Variants in MSI2 observed in about 807,000 individuals in gnomAD.
MSI2 encodes RNA-binding protein Musashi homolog 2.
A neutral mutation model predicts 45.6 loss-of-function variants in MSI2; 17 were observed. The ratio of observed to expected loss-of-function variants is 0.37; its 90% CI spans 0.26 to 0.56. The LOEUF (loss-of-function observed/expected upper bound fraction) is 0.56. Among genes scored for constraint, MSI2 ranks in the 20% least tolerant of loss-of-function variants. The pLI is 0.77. For synonymous variants in MSI2, 156 were observed against 158.2 expected, an observed-to-expected ratio of 0.99 and a Z score of 0.11; for missense variants, 293 against 444.2, an observed-to-expected ratio of 0.66 and a Z score of 3.06.
At chr17:57,563,081 G>C (rs1368168032) in intron 7 of MSI2, among the ~76,000 whole-genome samples, 2 of 111,470 alleles carry the variant, frequency 1.8e-5, no homozygotes, top group South Asian at 3.1e-4. Context: ...CTGGGTGACA[G>C]AGCAAAACTT....
chr17:57,389,427 T>A (rs1025941277), intron 5 of MSI2, among the ~76,000 whole-genome samples: 1 of 152,228 alleles, frequency 6.6e-6, no homozygotes, highest in African/African-American at 2.4e-5. Context: ...ACAGTCCTTC[T>A]GCCAGACAGG....
At chr17:57,336,723 A>G (rs1598138031) in intron 5 of MSI2, among the ~76,000 whole-genome samples, 1 of 152,318 alleles carries the variant, frequency 6.6e-6, no homozygotes, top group Non-Finnish European at 1.5e-5. Flanking sequence ...TTAAAGAAAT[A>G]TTATAGGCAT....
chr17:57,464,662 C>G (rs917120487), intron 6 of MSI2, among the ~76,000 whole-genome samples: 1 of 152,088 alleles, frequency 6.6e-6, no homozygotes, highest in African/African-American at 2.4e-5. Context: ...TGGGGAGAGG[C>G]AGGGCATCCT....
At chr17:57,375,150 A>G (rs915021159) in intron 5 of MSI2, among the ~76,000 whole-genome samples, 2 of 152,310 alleles carry the variant, frequency 1.3e-5, no homozygotes, top group Non-Finnish European at 1.5e-5. Flanking sequence ...GCATGACTAC[A>G]TTGAAAATCA....
At position 57,552,654 on chromosome 17, in the gene MSI2, C is replaced by A. The variant is rs1230372809; in HGVS notation, c.454+22930C>A. On this transcript the variant is annotated intron_variant, in intron 7 of 13. Coordinates refer to ENST00000284073, the MANE Select transcript of MSI2 (RefSeq NM_138962.4). The surrounding 1 kb of genome is among the most constrained non-coding windows in gnomAD (Gnocchi z 4.3). Reference sequence around the variant, plus strand: ...CTTACGTTTGAAGTTTTTCTACAACCAGAAGGTGATTCTCTGGCTTCTGAG... The same window carrying A: ...CTTACGTTTGAAGTTTTTCTACAACAAGAAGGTGATTCTCTGGCTTCTGAG... Among the ~76,000 whole-genome samples the A allele has an allele frequency of 2.0e-5, 3 of 152,202 alleles. No individual in the cohort carries two copies. Among genetic ancestry groups the A allele is most frequent in the African/African-American group, 4.8e-5 (2 of 41,440 alleles).
At chr17:57,522,290 A>G (rs964282198) in intron 6 of MSI2, 1 of 152,200 alleles carries the variant, frequency 6.6e-6, no homozygotes, top group African/African-American at 2.4e-5. Flanking sequence ...GGAGCGTTTG[A>G]GTGGGAGCAG....
chr17:57,429,701 C>T (rs2084559230), intron 6 of MSI2, among the ~76,000 whole-genome samples: 1 of 150,350 alleles, frequency 6.7e-6, no homozygotes, highest in Non-Finnish European at 1.5e-5. Flanking sequence ...ATCGGAACAA[C>T]AAACCCTCAG....
At chr17:57,310,289 T>C (rs966302646) in intron 5 of MSI2, among the ~76,000 whole-genome samples, 1 of 151,646 alleles carries the variant, frequency 6.6e-6, no homozygotes, top group East Asian at 1.9e-4. Context: ...ACAGCGGGCC[T>C]GAGAGCAGAG....
chr17:57,455,896 G>A (rs532993163), intron 6 of MSI2, among the ~76,000 whole-genome samples: 13 of 152,334 alleles, frequency 8.5e-5, no homozygotes, highest in South Asian at 6.2e-4. Context: ...TGGTGCCCGC[G>A]TGTGGGTGTT....
chr17:57,451,981 C>T (rs927086573), intron 6 of MSI2, among the ~76,000 whole-genome samples: 1 of 152,142 alleles, frequency 6.6e-6, no homozygotes, highest in South Asian at 2.1e-4. Flanking sequence ...GACAGGAAGC[C>T]GTGACCCCTC....
chr17:57,627,264 T>A lies in MSI2; in HGVS notation c.688T>A (p.Tyr230Asn). The change falls in exon 10 of 14, where the codon TAC (tyrosine) becomes AAC (asparagine). Residue 230 changes from tyrosine (Y) to asparagine (N), a missense_variant. Transcript: ENST00000284073. The surrounding 1 kb of genome is among the most constrained non-coding windows in gnomAD (Gnocchi z 4.6). The part of the protein sequence containing the change: ...PNFVATYGRG[Y>N]PGFAPSYGYQ... ...CTTCGTGGCGACCTATGGCCGTGGC[T>A]ACCCCGGATTTGCTCCAAGCTATGG... The A allele has an allele frequency of 6.2e-7, 1 of 1,614,226 alleles. No individual in the cohort carries two copies. Among genetic ancestry groups the A allele is most frequent in the Non-Finnish European group, 8.5e-7 (1 of 1,180,032 alleles).
intron 6 of MSI2, among the ~76,000 whole-genome samples, chr17:57,457,277 A>T (rs751145127): frequency 6.6e-6 from 1 of 152,160 alleles, no homozygotes; most frequent in Non-Finnish European, 1.5e-5. Flanking sequence ...TAGATGGAGG[A>T]CTAGACATTT....
chr17:57,417,283 A>G (rs930412506), intron 6 of MSI2, among the ~76,000 whole-genome samples: 3 of 152,174 alleles, frequency 2.0e-5, no homozygotes, highest in African/African-American at 4.8e-5. Flanking sequence ...GAGGAAGCCC[A>G]GAGTGTGACT....
intron 4 of MSI2, among the ~76,000 whole-genome samples, chr17:57,260,946 G>A (rs1907252267): frequency 6.7e-6 from 1 of 149,626 alleles, no homozygotes; most frequent in African/African-American, 2.5e-5. Context: ...CATGGCAGAA[G>A]TGAAAACAAA....
intron 5 of MSI2, among the ~76,000 whole-genome samples, chr17:57,331,148 A>G (rs150588503): frequency 6.6e-6 from 1 of 152,130 alleles, no homozygotes; most frequent in African/African-American, 2.4e-5. Flanking sequence ...TCCTGACCTC[A>G]GGTGATCCAC....
chr17:57,359,336 A>C (rs1916664648), intron 5 of MSI2, among the ~76,000 whole-genome samples: 1 of 152,218 alleles, frequency 6.6e-6, no homozygotes, highest in South Asian at 2.1e-4. Flanking sequence ...TATTGAATTC[A>C]GCTACAAGGG....
intron 5 of MSI2, among the ~76,000 whole-genome samples, chr17:57,311,656 C>G (rs1026739585): frequency 1.3e-5 from 2 of 152,084 alleles, no homozygotes; most frequent in African/African-American, 4.8e-5. Context: ...CTTAAGTGAT[C>G]CTTCCCACCT....
chr17:57,512,924 GTTC>G (rs1180823962), intron 6 of MSI2, among the ~76,000 whole-genome samples: 2 of 144,338 alleles, frequency 1.4e-5, no homozygotes, highest in African/African-American at 2.5e-5. Context: ...CAGCTGTTTA[GTTC>G]TTCTTATGTG....
chr17:57,509,039 C>T (rs973410465), intron 6 of MSI2, among the ~76,000 whole-genome samples: 5 of 152,204 alleles, frequency 3.3e-5, no homozygotes, highest in South Asian at 4.1e-4. Context: ...CAGGGATCCT[C>T]GGGCAGCCCT....
Sources: allele counts gnomAD v4.1 joint callset (sites outside exome capture counted in the v4.1 genomes callset), GRCh38; gene constraint gnomAD v4.1.1; non-coding constraint Gnocchi (gnomAD v3.1); transcripts MANE v1.5; gene names NCBI Gene and HGNC (gene_info 2026-07-23, HGNC 2026-07-21).